CDK5RAP3: variants seen among roughly 807,000 people sequenced by gnomAD.
CDK5RAP3 encodes CDK5 regulatory subunit associated protein 3.
CDK5RAP3 carries 58 observed loss-of-function variants against 73.3 expected under a neutral mutation model. The ratio of observed to expected loss-of-function variants is 0.79; its 90% CI spans 0.64 to 0.98. CDK5RAP3 has a LOEUF of 0.98. Ranked by LOEUF, CDK5RAP3 falls within the 50% of genes least tolerant of loss-of-function variation. The probability of loss-of-function intolerance (pLI) is 0.00; values close to 1 mark genes in which losing one functional copy is unlikely to be tolerated. For missense variants in CDK5RAP3, 525 were observed against 615.8 expected (o/e 0.85, Z 1.56); for synonymous variants, 224 against 247.5 (o/e 0.91, Z 0.89).
Position 47,971,413 on chromosome 17 carries a change from AG to A in CDK5RAP3, c.52+11del. 1 of 1,600,298 alleles carries A rather than the reference AG, an allele frequency of 6.2e-7. No homozygotes were observed. Among genetic ancestry groups the A allele is most frequent in the Non-Finnish European group, 8.5e-7 (1 of 1,173,074 alleles). On this transcript the variant is annotated splice_region_variant and intron_variant, in intron 2 of 13. Coordinates refer to ENST00000338399, the MANE Select transcript of CDK5RAP3 (RefSeq NM_176096.3). ...CCAGACCAGCAAGCTGCTCGGTAGG[AG>A]GGGGCGCCACCGCGCAGCTGGCTGT...
intron 9 of CDK5RAP3, 84 bp from the exon 10 acceptor site, chr17:47,977,748 C>T: frequency 8.8e-7 from 1 of 1,135,056 alleles, no homozygotes; most frequent in South Asian, 1.4e-5. Flanking sequence ...AGCCATTGAC[C>T]TCATCAAGGG....
At chr17:47,974,592 A>C in intron 5 of CDK5RAP3, 144 bp downstream of exon 5, 1 of 1,502,288 alleles carries the variant, frequency 6.7e-7, no homozygotes, top group Non-Finnish European at 8.9e-7. Context: ...TGGTAAAATC[A>C]ATTGTTTTTG....
chr17:47,971,334 C>A (rs1364278092), intron 1 of CDK5RAP3, 28 bp from the exon 2 acceptor site: 1 of 1,605,582 alleles, frequency 6.2e-7, no homozygotes, highest in Non-Finnish European at 8.5e-7. Flanking sequence ...CGCGCTCACG[C>A]CCCCCTCCTC....
chr17:47,978,513 C>T (rs2036475707), intron 10 of CDK5RAP3: 5 of 327,918 alleles, frequency 1.5e-5, no homozygotes, highest in Non-Finnish European at 2.3e-5. Flanking sequence ...GCAGAGAAGA[C>T]GTAGTGGTGT....
At chr17:47,970,221 C>T (rs2036232537), upstream of CDK5RAP3, among the ~76,000 whole-genome samples, 1 of 152,196 alleles carries the variant, frequency 6.6e-6, no homozygotes, top group Non-Finnish European at 1.5e-5. Context: ...TAATAAGTCT[C>T]CCTTTGATAT....
chr17:47,970,741 C>T (rs1049541377), upstream of CDK5RAP3: 4 of 1,533,368 alleles, frequency 2.6e-6, no homozygotes, highest in Admixed American at 7.8e-5. Flanking sequence ...CAACGGCCTC[C>T]CAGATCGGCG....
At position 47,976,696 on chromosome 17, in the gene CDK5RAP3, C is replaced by T; in HGVS notation, c.799-16C>T. On this transcript the variant is annotated splice_polypyrimidine_tract_variant and intron_variant, in intron 8 of 13. Coordinates refer to ENST00000338399, the MANE Select transcript of CDK5RAP3 (RefSeq NM_176096.3). ...AATCCATCTTCCATGAGCTAACACTCTCTTTCCCTTTCCAGATTGACTGGG... is the reference window on the plus strand; with the variant it reads ...AATCCATCTTCCATGAGCTAACACTTTCTTTCCCTTTCCAGATTGACTGGG... 6.4e-7 allele frequency: 1 copy of T among 1,562,174 alleles called. No homozygotes were observed. The highest frequency in any genetic ancestry group is 8.8e-7 in the Non-Finnish European group (1 of 1,134,752).
intron 8 of CDK5RAP3, 41 bp from the exon 9 acceptor site, chr17:47,976,669 TAA>T (rs1567725361): frequency 7.1e-7 from 1 of 1,412,274 alleles, no homozygotes; most frequent in Non-Finnish European, 1.0e-6. Context: ...CGGCCCTTTT[TAA>T]ATCCATCTTC....
In CDK5RAP3 at chr17:47,971,171, G is replaced by T. The variant is rs752913153; in HGVS notation, c.6+19G>T. The T allele has an allele frequency of 3.2e-6, 5 of 1,545,186 alleles. No individual in the cohort carries two copies. On this transcript the variant is annotated intron_variant, in intron 1 of 13. Coordinates refer to ENST00000338399, the MANE Select transcript of CDK5RAP3 (RefSeq NM_176096.3). ...GATGGAGGTGTGGGGACAGGAGCTGGGTGTGCTGGGGACTGGCCGCGGACC... is the reference window on the plus strand; with the variant it reads ...GATGGAGGTGTGGGGACAGGAGCTGTGTGTGCTGGGGACTGGCCGCGGACC...
At chr17:47,976,999 A>C (rs2144232216) in intron 9 of CDK5RAP3, among the ~76,000 whole-genome samples, 177 bp downstream of exon 9, 1 of 152,094 alleles carries the variant, frequency 6.6e-6, no homozygotes, top group South Asian at 2.1e-4. Flanking sequence ...TTTGAGACAG[A>C]GTCTCATTCT....
chr17:47,972,260 G>A (rs577828594), intron 2 of CDK5RAP3, among the ~76,000 whole-genome samples: 7 of 152,114 alleles, frequency 4.6e-5, no homozygotes, highest in South Asian at 2.1e-4. Context: ...GTCAGGGAAG[G>A]CCTCTTCATC....
chr17:47,977,241 C>T (rs567788468), intron 9 of CDK5RAP3, among the ~76,000 whole-genome samples: 10 of 152,296 alleles, frequency 6.6e-5, no homozygotes, highest in Non-Finnish European at 1.2e-4. Context: ...CTCTGCCTCC[C>T]GGGTTCACGC....
chr17:47,971,258 C>G (rs2036255491), intron 1 of CDK5RAP3, 104 bp from the exon 2 acceptor site: 1 of 1,537,710 alleles, frequency 6.5e-7, no homozygotes, highest in Non-Finnish European at 8.8e-7. Context: ...GCTCTGGCCC[C>G]GTTCTGGCCC....
Position 47,971,373 on chromosome 17 carries a change from C to A in CDK5RAP3, c.18C>A (p.His6Gln), listed in dbSNP as rs1379951596. 2 of 1,610,546 alleles carry A rather than the reference C, an allele frequency of 1.2e-6. No homozygotes were observed. Among genetic ancestry groups the A allele is most frequent in the Non-Finnish European group, 8.5e-7 (1 of 1,178,608 alleles). Residue 6 changes from histidine to glutamine, a missense_variant, in exon 2 of 14, where the codon CAC becomes CAA. His to Gln is a conservative substitution (Grantham distance 24, BLOSUM62 0). Transcript: ENST00000338399. MEDHQ[H>Q]VPIDIQTSKL... ...GTGTTTCCCGCCAGGACCATCAGCA[C>A]GTGCCCATCGACATCCAGACCAGCA...
chr17:47,975,402 C>T, intron 6 of CDK5RAP3, 65 bp downstream of exon 6: 1 of 1,603,430 alleles, frequency 6.2e-7, no homozygotes. Context: ...TCCTCTGACC[C>T]CGTCTGACCC....
rs771773882 is a variant in CDK5RAP3 at position 47,975,904 on chromosome 17, T to C, written c.689T>C (p.Val230Ala). 6.2e-7 allele frequency: 1 copy of C among 1,614,194 alleles called. No individual in the cohort carries two copies. Among genetic ancestry groups the C allele is most frequent in the Non-Finnish European group, 8.5e-7 (1 of 1,180,032 alleles). Residue 230 changes from valine (V) to alanine (A), a missense_variant, in exon 8 of 14, where the codon GTG (valine) becomes GCG (alanine). Around this residue, in one of 2 missense-constraint regions of CDK5RAP3, gnomAD observed 409 missense variants for 429.8 expected, o/e 0.95. Coordinates refer to ENST00000338399, the MANE Select transcript of CDK5RAP3 (RefSeq NM_176096.3). ...CAGGTGTTGCCAATGCTGCGGTTCG[T>C]GCAGAAGCGGGGAAACTCAACGGTG... is the stretch of plus-strand genomic sequence containing the variant. Reference protein sequence around the residue: ...TEQVLPMLRFVQKRGNSTVYE... With the variant: ...TEQVLPMLRFAQKRGNSTVYE...
chr17:47,975,670 T>G lies in CDK5RAP3; in HGVS notation c.653+17T>G. 6.3e-7 allele frequency: 1 copy of G among 1,585,800 alleles called. No homozygotes were observed. On this transcript the variant is annotated intron_variant, in intron 7 of 13. Coordinates refer to ENST00000338399, the MANE Select transcript of CDK5RAP3 (RefSeq NM_176096.3). ...GTGTGAGAGGTAGAGAGGCCTCAGC[T>G]TCTCCTGGTGGGGGTGCTTTGCCTG...
At chr17:47,976,633 GGGTTACA>G in intron 8 of CDK5RAP3, 72 bp from the exon 9 acceptor site, 2 of 973,442 alleles carry the variant, frequency 2.1e-6, no homozygotes, top group South Asian at 2.6e-5. Flanking sequence ...CAAAGTACTG[GGGTTACA>G]GACATGAGCC....
chr17:47,976,136 A>T, intron 8 of CDK5RAP3, 123 bp downstream of exon 8: 2 of 1,266,912 alleles, frequency 1.6e-6, no homozygotes, highest in Non-Finnish European at 2.2e-6. Flanking sequence ...GAGTGACTGT[A>T]GGTAGAAGGG....
Sources: gnomAD v4.1 joint callset for allele counts (sites outside exome capture counted in the v4.1 genomes callset) on GRCh38, gnomAD v4.1.1 for gene constraint, gnomAD v4.1.1 regional missense constraint, MANE v1.5 for transcripts, NCBI Gene and HGNC (gene_info 2026-07-23, HGNC 2026-07-21) for gene names.